Variants in HCN1 observed in about 807,000 individuals in gnomAD.
HCN1 encodes potassium/sodium hyperpolarization-activated cyclic nucleotide-gated channel 1.
In HCN1, 13 loss-of-function variants were observed where a neutral mutation model predicts 78.9. The observed-to-expected ratio is 0.16, with a 90% confidence interval of 0.11 to 0.26. The LOEUF is 0.26. HCN1 is among the 10% of genes least tolerant of loss of function. HCN1 has a pLI of 1.00. For synonymous variants in HCN1, 552 were observed against 455.5 expected, an observed-to-expected ratio of 1.21 and a Z score of -2.70; for missense variants, 810 against 1,154.3, an observed-to-expected ratio of 0.70 and a Z score of 4.32.
chr5:45,372,099 T>TATATATATAATATAA, intron 4 of HCN1, among the ~76,000 whole-genome samples: 1 of 55,124 alleles, frequency 1.8e-5, no homozygotes, highest in Non-Finnish European at 2.8e-5. Context: ...ATATATATAT[T>TATATATATAATATAA]TTATATATAA....
rs562110776 is a variant in HCN1, at chr5:45,652,495, T to G, written c.426-6887A>C. 2.0e-5 allele frequency among the ~76,000 whole-genome samples: 3 copies of G among 152,028 alleles called. No homozygotes were observed. In the South Asian group the frequency reaches 6.2e-4, roughly 31 times the overall value. On this transcript the variant is annotated intron_variant, in intron 1 of 7. Coordinates refer to ENST00000303230, the MANE Select transcript of HCN1 (RefSeq NM_021072.4). ...TTCTTCCTTCTATTCACTCTCTCCTTCAGCCTCTCCAACCTCCACAGGTTT... is the reference window on the plus strand; with the variant it reads ...TTCTTCCTTCTATTCACTCTCTCCTGCAGCCTCTCCAACCTCCACAGGTTT...
At chr5:45,435,413 A>T (rs568425343) in intron 3 of HCN1, among the ~76,000 whole-genome samples, 2 of 152,158 alleles carry the variant, frequency 1.3e-5, no homozygotes, top group Non-Finnish European at 2.9e-5. Context: ...ATTCAATTAA[A>T]TTTTTGGTTA....
chr5:45,563,159 T>C (rs1241677126), intron 2 of HCN1, among the ~76,000 whole-genome samples: 4 of 152,162 alleles, frequency 2.6e-5, no homozygotes, highest in Non-Finnish European at 5.9e-5. Flanking sequence ...ATTTAAAATA[T>C]ATAGTGAAGG....
At chr5:45,551,230 A>G (rs1161567113) in intron 2 of HCN1, among the ~76,000 whole-genome samples, 1 of 151,974 alleles carries the variant, frequency 6.6e-6, no homozygotes, top group Non-Finnish European at 1.5e-5. Context: ...AGGTATTACA[A>G]TGAAGAATTG....
intron 1 of HCN1, among the ~76,000 whole-genome samples, chr5:45,677,861 A>C (rs1425494180): frequency 6.6e-6 from 1 of 151,888 alleles, no homozygotes; most frequent in East Asian, 1.9e-4. Flanking sequence ...TTTACATTTA[A>C]ATTTACTCAA....
At chr5:45,584,514 G>A (rs149387705) in intron 2 of HCN1, among the ~76,000 whole-genome samples, 146,477 of 151,424 alleles carry the variant, frequency 0.97, 71,026 homozygotes, top group East Asian at 1. Context: ...TAATTGGAGC[G>A]TTTAGCCCAT....
intron 5 of HCN1, among the ~76,000 whole-genome samples, chr5:45,324,160 C>A (rs1746185668): frequency 6.6e-6 from 1 of 151,486 alleles, no homozygotes. Context: ...TGGTTGGGAT[C>A]TAATTAAACT....
At chr5:45,417,751 C>CAAAAAAAAA (rs1212611466) in intron 3 of HCN1, among the ~76,000 whole-genome samples, 3 of 14,806 alleles carry the variant, frequency 2.0e-4, no homozygotes, top group East Asian at 2.6e-3. Context: ...TGTAGAGAGA[C>CAAAAAAAAA]AAAAAAAAAA....
intron 7 of HCN1, among the ~76,000 whole-genome samples, chr5:45,266,280 G>T (rs1329705333): frequency 6.6e-6 from 1 of 151,830 alleles, no homozygotes; most frequent in Non-Finnish European, 1.5e-5. Context: ...TCTATGTAGG[G>T]CATTACTATC....
rs540392396 is a variant in HCN1, at chr5:45,516,340, G to A, written c.850-54333C>T. Among the ~76,000 whole-genome samples the A allele has an allele frequency of 1.9e-4, 29 of 151,948 alleles. No individual in the cohort carries two copies. In the East Asian group the frequency reaches 5.0e-3, roughly 26 times the overall value. On this transcript the variant is annotated intron_variant, in intron 2 of 7. Transcript: ENST00000303230. Reference sequence around the variant, plus strand: ...CTTTTGAAATTTGATTAAATACAGTGTACCATCCATATCCCCAGAAGAACA... The same window carrying A: ...CTTTTGAAATTTGATTAAATACAGTATACCATCCATATCCCCAGAAGAACA...
In HCN1 at chr5:45,376,135, A is replaced by G. The variant is rs1266606556; in HGVS notation, c.1230+20357T>C. On this transcript the variant is annotated intron_variant, in intron 4 of 7. Coordinates refer to ENST00000303230, the MANE Select transcript of HCN1 (RefSeq NM_021072.4). ...TAATATATAATATGTTATATAAAAT[A>G]TAATATATTATATATAATATAATAT... Among the ~76,000 whole-genome samples, 3 of 109,402 alleles carry G rather than the reference A, an allele frequency of 2.7e-5. No homozygotes were observed. The East Asian group carries it at 8.0e-4, about 29-fold the overall frequency. 71.8% of individuals were successfully genotyped at this position (109,402 alleles called of 152,430 possible).
chr5:45,591,378 T>C (rs1744361483), intron 2 of HCN1, among the ~76,000 whole-genome samples: 1 of 152,136 alleles, frequency 6.6e-6, no homozygotes, highest in Non-Finnish European at 1.5e-5. Context: ...CATTTTGCAT[T>C]CCTACCAGCA....
chr5:45,281,312 T>TTC (rs368864355), intron 6 of HCN1, among the ~76,000 whole-genome samples: 11 of 150,564 alleles, frequency 7.3e-5, no homozygotes, highest in Non-Finnish European at 1.5e-4. Flanking sequence ...TACTTCCCCC[T>TTC]TCTCTCTCTC....
chr5:45,263,861 C>T (rs1744799620), intron 7 of HCN1, among the ~76,000 whole-genome samples: 1 of 151,948 alleles, frequency 6.6e-6, no homozygotes, highest in South Asian at 2.1e-4. Flanking sequence ...TGGCACCATC[C>T]CAGCTCACTG....
intron 3 of HCN1, among the ~76,000 whole-genome samples, chr5:45,443,682 G>A (rs904274413): frequency 4.6e-5 from 7 of 152,156 alleles, no homozygotes; most frequent in Admixed American, 2.0e-4. Flanking sequence ...TACTTTTGGT[G>A]AATTGTGAAA....
intron 6 of HCN1, among the ~76,000 whole-genome samples, chr5:45,274,181 A>T (rs1425991234): frequency 6.6e-6 from 1 of 152,076 alleles, no homozygotes; most frequent in African/African-American, 2.4e-5. Flanking sequence ...CCAATTTTTC[A>T]TTTTACTAAG....
At chr5:45,433,788 C>G (rs1023597176) in intron 3 of HCN1, among the ~76,000 whole-genome samples, 6 of 152,072 alleles carry the variant, frequency 3.9e-5, no homozygotes, top group African/African-American at 1.4e-4. Context: ...TGAGGAGAAG[C>G]AAAAGTGAAA....
Position 45,535,834 on chromosome 5 carries a change from T to C in HCN1, c.850-73827A>G, listed in dbSNP as rs564002239. Among the ~76,000 whole-genome samples, 9 of 152,284 alleles carry C rather than the reference T, an allele frequency of 5.9e-5. No homozygotes were observed. The South Asian group carries it at 1.9e-3, about 32-fold the overall frequency. ...TATACACTGATTATTTTTAATCCTT[T>C]CTGGTAATCCGATTCCTTCAGACTC... On this transcript the variant is annotated intron_variant, in intron 2 of 7. Coordinates refer to ENST00000303230, the MANE Select transcript of HCN1 (RefSeq NM_021072.4).
rs540627400 is a variant in HCN1, at chr5:45,575,872, C to T, written c.849+69313G>A. ...CCCATGCTTCAAAGAGTATTTTCAA[C>T]TTTCAAGTGTTATGATTTAAGAAAT... is the stretch of plus-strand genomic sequence containing the variant. On this transcript the variant is annotated intron_variant, in intron 2 of 7. Coordinates refer to ENST00000303230, the MANE Select transcript of HCN1 (RefSeq NM_021072.4). 1.2e-3 allele frequency: 181 copies of T among 152,196 alleles called. 1 individual carries two copies. The highest frequency in any genetic ancestry group is 4.1e-3 in the African/African-American group (172 of 41,562). 9.4% of individuals were successfully genotyped at this position (152,196 alleles called of 1,614,324 possible). A position where few individuals can be genotyped will look rare whatever the true frequency, so the allele number is the denominator to read the frequency against.
Sources: allele counts gnomAD v4.1 joint callset (sites outside exome capture counted in the v4.1 genomes callset), GRCh38; gene constraint gnomAD v4.1.1; transcripts MANE v1.5; gene names NCBI Gene and HGNC (gene_info 2026-07-23, HGNC 2026-07-21).